The following CMTM7 variants were observed in gnomAD, a reference collection of about 807,000 sequenced individuals.
The protein encoded by CMTM7 is CKLF like MARVEL transmembrane domain containing 7, also known as CKLF-like MARVEL transmembrane domain-containing protein 7.
Under a neutral mutation model 19.3 loss-of-function variants are expected in CMTM7, and 7 were observed. The ratio of observed to expected loss-of-function variants is 0.36; its 90% confidence interval spans 0.21 to 0.68. The LOEUF is 0.68. Among genes scored for constraint, CMTM7 ranks in the 30% least tolerant of loss-of-function variants. The probability of loss-of-function intolerance (pLI) is 0.60; values close to 1 mark genes in which losing one functional copy is unlikely to be tolerated. For synonymous variants in CMTM7, 87 were observed against 99.3 expected (o/e 0.88, Z 0.74); for missense variants, 193 against 232.6 (o/e 0.83, Z 1.11).
intron 1 of CMTM7, 71 bp from the exon 2 acceptor site, chr3:32,441,769 T>C (rs912542791): frequency 7.2e-7 from 1 of 1,391,712 alleles, no homozygotes; most frequent in African/African-American, 1.4e-5. Flanking sequence ...TGCTTGGTTG[T>C]TTTCCGTTGT....
intron 1 of CMTM7, among the ~76,000 whole-genome samples, chr3:32,424,209 C>T (rs1353018852): frequency 6.6e-6 from 1 of 152,152 alleles, no homozygotes; most frequent in Non-Finnish European, 1.5e-5. Context: ...GCCTTATGGG[C>T]TGTAACACCT....
chr3:32,416,756 C>T (rs1696273333), intron 1 of CMTM7, among the ~76,000 whole-genome samples: 1 of 151,848 alleles, frequency 6.6e-6, no homozygotes, highest in African/African-American at 2.4e-5. Context: ...TGTAGATGAA[C>T]TGTGAGTGTT....
chr3:32,421,275 G>A (rs901602754), intron 1 of CMTM7, among the ~76,000 whole-genome samples: 1 of 151,224 alleles, frequency 6.6e-6, no homozygotes, highest in Non-Finnish European at 1.5e-5. Flanking sequence ...GCTCCCCATC[G>A]CCCACCTAGC....
intron 1 of CMTM7, among the ~76,000 whole-genome samples, chr3:32,432,935 C>T (rs959324178): frequency 3.3e-5 from 5 of 152,150 alleles, no homozygotes; most frequent in African/African-American, 7.2e-5. Flanking sequence ...TGGAGATGAC[C>T]GTCCACAGCC....
intron 1 of CMTM7, among the ~76,000 whole-genome samples, chr3:32,411,899 C>G (rs1696181877): frequency 6.6e-6 from 1 of 151,724 alleles, no homozygotes; most frequent in African/African-American, 2.4e-5. Context: ...AGGCTGAGAC[C>G]TAATGCACGG....
chr3:32,423,500 G>A (rs1033344356), intron 1 of CMTM7, among the ~76,000 whole-genome samples: 1 of 152,144 alleles, frequency 6.6e-6, no homozygotes, highest in African/African-American at 2.4e-5. Flanking sequence ...GCTCCTTCTC[G>A]GTTTCTGTGG....
At chr3:32,444,786 T>A (rs939903316) in intron 2 of CMTM7, among the ~76,000 whole-genome samples, 11 of 152,226 alleles carry the variant, frequency 7.2e-5, no homozygotes, top group Non-Finnish European at 1.5e-4. Context: ...GTTCTTGCTC[T>A]GTTACCCAGG....
At chr3:32,424,590 TTAA>T (rs1457504777) in intron 1 of CMTM7, among the ~76,000 whole-genome samples, 1 of 152,088 alleles carries the variant, frequency 6.6e-6, no homozygotes, top group African/African-American at 2.4e-5. Flanking sequence ...GGGAGCTTGT[TTAA>T]GCCTCTTGCC....
chr3:32,437,631 G>A (rs1019923731), intron 1 of CMTM7, among the ~76,000 whole-genome samples: 4 of 151,774 alleles, frequency 2.6e-5, no homozygotes, highest in African/African-American at 4.8e-5. Flanking sequence ...GGTGGCTCAC[G>A]CCTGTACTCT....
At position 32,416,428 on chromosome 3, in the gene CMTM7, G is replaced by A. The variant is rs1438260146; in HGVS notation, c.159+24363G>A. Among the ~76,000 whole-genome samples the A allele has an allele frequency of 5.6e-5, 5 of 89,626 alleles. 1 individual carries two copies. Among genetic ancestry groups the A allele is most frequent in the Non-Finnish European group, 8.4e-5 (4 of 47,412 alleles). 58.8% of individuals were successfully genotyped at this position (89,626 alleles called of 152,430 possible). A position where few individuals can be genotyped will look rare whatever the true frequency, so the allele number is the denominator to read the frequency against. On this transcript the variant is annotated intron_variant, in intron 1 of 4. Coordinates refer to ENST00000334983, the MANE Select transcript of CMTM7 (RefSeq NM_138410.4). ...GGAGTCTCGCTCTGTCCCCCAGGCC[G>A]GACTGCGGACTGACTGCAGTGGCGC... is the stretch of plus-strand genomic sequence containing the variant.
chr3:32,439,949 G>T (rs946465460), intron 1 of CMTM7, among the ~76,000 whole-genome samples: 5 of 152,146 alleles, frequency 3.3e-5, no homozygotes, highest in African/African-American at 1.2e-4. Context: ...AATGCCAGTA[G>T]CAACCCCCAT....
At chr3:32,431,246 G>A (rs1475255340) in intron 1 of CMTM7, among the ~76,000 whole-genome samples, 1 of 152,214 alleles carries the variant, frequency 6.6e-6, no homozygotes, top group East Asian at 1.9e-4. Context: ...TAGTACGTAT[G>A]TGCTTGAAAC....
intron 2 of CMTM7, among the ~76,000 whole-genome samples, chr3:32,445,379 C>G (rs1231015754): frequency 1.3e-5 from 2 of 152,100 alleles, no homozygotes; most frequent in Non-Finnish European, 2.9e-5. Flanking sequence ...AGTTGAAGTT[C>G]CCTTCTAGCA....
chr3:32,416,211 T>G (rs112141909), intron 1 of CMTM7, among the ~76,000 whole-genome samples: 3 of 151,380 alleles, frequency 2.0e-5, no homozygotes, highest in Non-Finnish European at 4.4e-5. Flanking sequence ...TTTTGTTTTG[T>G]TTTTGAGACA....
At chr3:32,418,635 G>A (rs968639450) in intron 1 of CMTM7, among the ~76,000 whole-genome samples, 1 of 152,018 alleles carries the variant, frequency 6.6e-6, no homozygotes, top group Non-Finnish European at 1.5e-5. Context: ...AGTTTTTCTA[G>A]CACTACTTGT....
chr3:32,430,301 C>A (rs1043425860), intron 1 of CMTM7, among the ~76,000 whole-genome samples: 2 of 152,128 alleles, frequency 1.3e-5, no homozygotes, highest in Non-Finnish European at 2.9e-5. Flanking sequence ...GTATAAATTG[C>A]TGGCCAGCGT....
intron 1 of CMTM7, among the ~76,000 whole-genome samples, chr3:32,436,750 A>C (rs1391003581): frequency 1.3e-5 from 2 of 152,140 alleles, no homozygotes; most frequent in African/African-American, 4.8e-5. Context: ...AGGCACACTC[A>C]GTGGACCAGA....
At position 32,414,787 on chromosome 3, in the gene CMTM7, T is replaced by G. The variant is rs1003280238; in HGVS notation, c.159+22722T>G. On this transcript the variant is annotated intron_variant, in intron 1 of 4. Coordinates refer to ENST00000334983, the MANE Select transcript of CMTM7 (RefSeq NM_138410.4). ...ATTTAGCTCTTGTGGGCAGAGCATG[T>G]GATGCATGCCAGGAACTGTGCGTAG... Among the ~76,000 whole-genome samples the G allele has an allele frequency of 2.0e-5, 3 of 152,180 alleles. No individual in the cohort carries two copies. The South Asian group carries it at 6.2e-4, about 32-fold the overall frequency.
intron 2 of CMTM7, among the ~76,000 whole-genome samples, chr3:32,443,275 T>G (rs9837966): frequency 0.011 from 1,586 of 147,714 alleles, 32 homozygotes; most frequent in African/African-American, 0.038. Context: ...ATTTTTGTGT[T>G]TTTTTTTTTA....
Sources: allele counts gnomAD v4.1 joint callset (sites outside exome capture counted in the v4.1 genomes callset), GRCh38; gene constraint gnomAD v4.1.1; transcripts MANE v1.5; gene names NCBI Gene and HGNC (gene_info 2026-07-23, HGNC 2026-07-21).